The following PTPN6 variants were observed in gnomAD, a reference collection of about 807,000 sequenced individuals.
PTPN6 encodes protein tyrosine phosphatase non-receptor type 6.
Under a neutral mutation model 81.5 loss-of-function variants are expected in PTPN6, and 18 were observed. The ratio of observed to expected loss-of-function variants is 0.22; its 90% CI spans 0.15 to 0.33. The LOEUF is 0.33. Among genes scored for constraint, PTPN6 ranks in the 10% least tolerant of loss-of-function variants. The pLI is 1.00. For missense variants in PTPN6, 500 were observed against 794.2 expected, an observed-to-expected ratio of 0.63 and a Z score of 4.45; for synonymous variants, 301 against 310.9, an observed-to-expected ratio of 0.97 and a Z score of 0.33.
chr12:6,951,938 C>T lies in PTPN6; in HGVS notation c.132-45C>T, dbSNP rs1555147849. On this transcript the variant is annotated intron_variant, in intron 2 of 15. Transcript: ENST00000318974. The surrounding 1 kb of genome is among the most constrained non-coding windows in gnomAD (Gnocchi z 7.2). The stretch of plus-strand genomic sequence containing the variant: ...ACCTCAGCCGATCCCTGCCCTCCTG[C>T]CTCTACTCCTGCACCGACTGGCCTC... 6.2e-7 allele frequency: 1 copy of T among 1,600,112 alleles called. No homozygotes were observed. The highest frequency in any genetic ancestry group is 8.6e-7 in the Non-Finnish European group (1 of 1,169,290).
In PTPN6 at chr12:6,960,078, C is replaced by T. The variant is rs1946102876; in HGVS notation, c.1430-10C>T. ...TGCCTGGACCTGAGGTTTGACTGCC[C>T]CCCACCCAGGCCTGGACTGTGACAT... On this transcript the variant is annotated splice_polypyrimidine_tract_variant and intron_variant, in intron 12 of 15. Coordinates refer to ENST00000318974, the MANE Select transcript of PTPN6 (RefSeq NM_002831.6). This position sits in a 1 kb window ranked among gnomAD's most constrained non-coding sequence, Gnocchi z 6.1. The T allele has an allele frequency of 6.2e-7, 1 of 1,613,564 alleles. No individual in the cohort carries two copies.
rs1314746863 is a variant in PTPN6 at position 6,952,292 on chromosome 12, C to G, written c.326+115C>G. On this transcript the variant is annotated intron_variant, in intron 3 of 15. Transcript: ENST00000318974. This position sits in a 1 kb window ranked among gnomAD's most constrained non-coding sequence, Gnocchi z 8.1. ...CGCTGCCTACCCTCCATCCCCTCCC[C>G]TCCCTGCACCAGCTGGGGCTCTCAA... is the stretch of plus-strand genomic sequence containing the variant. The G allele has an allele frequency of 2.4e-6, 3 of 1,265,718 alleles. No individual in the cohort carries two copies. The highest frequency in any genetic ancestry group is 3.4e-6 in the Non-Finnish European group (3 of 881,584). The allele number at this position is 1,265,718 out of a possible 1,614,324, so 78.4% of individuals were successfully genotyped here.
chr12:6,948,449 AAG>A (rs1193487882), upstream of PTPN6, among the ~76,000 whole-genome samples: 6 of 151,036 alleles, frequency 4.0e-5, no homozygotes, highest in Non-Finnish European at 7.4e-5. Context: ...AAAAAAAAAA[AAG>A]AGAGGGAAGG....
In PTPN6 at chr12:6,960,784, G is replaced by GC. The variant is rs782695175; in HGVS notation, c.1674-16dup. 16 of 1,553,602 alleles carry GC rather than the reference G, an allele frequency of 1.0e-5. No homozygotes were observed. The East Asian group carries it at 3.7e-4, about 35-fold the overall frequency. ...TGACCTGCACCAACTGCCTGTACTT[G>GC]CCCCCCTGCACCCGGCTGCAGACAC... is the stretch of plus-strand genomic sequence containing the variant. On this transcript the variant is annotated intron_variant, in intron 14 of 15. Coordinates refer to ENST00000318974, the MANE Select transcript of PTPN6 (RefSeq NM_002831.6). The surrounding 1 kb of genome is among the most constrained non-coding windows in gnomAD (Gnocchi z 6.1).
Position 6,954,732 on chromosome 12 carries a change from C to T in PTPN6, c.327-73C>T, listed in dbSNP as rs1250667450. On this transcript the variant is annotated intron_variant, in intron 3 of 15. Coordinates refer to ENST00000318974, the MANE Select transcript of PTPN6 (RefSeq NM_002831.6). This position sits in a 1 kb window ranked among gnomAD's most constrained non-coding sequence, Gnocchi z 5.4. The stretch of plus-strand genomic sequence containing the variant: ...AGTAGGTGCTTGATTTCCGGCCCCT[C>T]TCTGTGAATGTCTCTGCTCAGCGCC... The T allele has an allele frequency of 1.3e-5, 19 of 1,484,686 alleles. No individual in the cohort carries two copies. Among genetic ancestry groups the T allele is most frequent in the Non-Finnish European group, 1.7e-5 (18 of 1,085,886 alleles). The allele number at this position is 1,484,686 out of a possible 1,614,324, so 92.0% of individuals were successfully genotyped here.
Position 6,960,934 on chromosome 12 carries a change from C to T in PTPN6, c.*14C>T. On this transcript the variant is annotated 3_prime_UTR_variant, in exon 15 of 16. Coordinates refer to ENST00000318974, the MANE Select transcript of PTPN6 (RefSeq NM_002831.6). The surrounding 1 kb of genome is among the most constrained non-coding windows in gnomAD (Gnocchi z 6.1). ...AAGAGGAAGTGAGCGGTGCTGTCCT[C>T]AGGTGGCCATGGTACAGCTCTTCTG... 1 of 1,558,836 alleles carries T rather than the reference C, an allele frequency of 6.4e-7. No individual in the cohort carries two copies. The highest frequency in any genetic ancestry group is 8.7e-7 in the Non-Finnish European group (1 of 1,151,156).
At position 6,957,782 on chromosome 12, in the gene PTPN6, C is replaced by T; in HGVS notation, c.1203C>T (p.Asp401=). The T allele has an allele frequency of 2.5e-6, 4 of 1,614,168 alleles. 1 individual carries two copies. The South Asian group carries it at 3.3e-5, about 13-fold the overall frequency. ...GTACCTTACAGGTCTCCCCGCTGGA[C>T]AATGTGAGTGGCCCCCACGCCCTGC... The part of the protein sequence containing the change: ...KLRTLQVSPL[D]NGDLIREIWH... Residue 401 remains aspartate, a synonymous_variant, in exon 10 of 16, where the codon GAC becomes GAT. Coordinates refer to ENST00000318974, the MANE Select transcript of PTPN6 (RefSeq NM_002831.6). This position sits in a 1 kb window ranked among gnomAD's most constrained non-coding sequence, Gnocchi z 6.5.
rs934037785 is a variant in PTPN6 at position 6,952,681 on chromosome 12, T to C, written c.326+504T>C. The C allele has an allele frequency of 5.1e-5, 11 of 216,574 alleles. No individual in the cohort carries two copies. The highest frequency in any genetic ancestry group is 6.7e-5 in the Non-Finnish European group (7 of 105,044). The allele number at this position is 216,574 out of a possible 1,614,324, so 13.4% of individuals were successfully genotyped here. A position where few individuals can be genotyped will look rare whatever the true frequency, so the allele number is the denominator to read the frequency against. ...GCCCCGTGGGGATGGGTCTGTCCTG[T>C]GGGGTCAAATAGGTCTCCGGCCCAA... On this transcript the variant is annotated intron_variant, in intron 3 of 15. Transcript: ENST00000318974. The surrounding 1 kb of genome is among the most constrained non-coding windows in gnomAD (Gnocchi z 8.1).
In PTPN6 at chr12:6,956,675, C is replaced by T; in HGVS notation, c.1074+107C>T. 6.8e-7 allele frequency: 1 copy of T among 1,470,484 alleles called. No individual in the cohort carries two copies. Among genetic ancestry groups the T allele is most frequent in the African/African-American group, 1.4e-5 (1 of 72,056 alleles). 91.1% of individuals were successfully genotyped at this position (1,470,484 alleles called of 1,614,324 possible). A position where few individuals can be genotyped will look rare whatever the true frequency, so the allele number is the denominator to read the frequency against. Reference sequence around the variant, plus strand: ...AGAAAGGGATCTCAGGGGTGAGGGTCCGGCCCTTGTTGGGAAACTGAGGGC... The same window carrying T: ...AGAAAGGGATCTCAGGGGTGAGGGTTCGGCCCTTGTTGGGAAACTGAGGGC... On this transcript the variant is annotated intron_variant, in intron 9 of 15. Coordinates refer to ENST00000318974, the MANE Select transcript of PTPN6 (RefSeq NM_002831.6). This position sits in a 1 kb window ranked among gnomAD's most constrained non-coding sequence, Gnocchi z 4.1.
At chr12:6,946,884 C>A, upstream of PTPN6, 1 of 914,806 alleles carries the variant, frequency 1.1e-6, no homozygotes, top group South Asian at 1.4e-5. Context: ...TGAACTTCCC[C>A]TTCCCGCAAG....
In PTPN6 at chr12:6,960,263, G is replaced by GGT; in HGVS notation, c.1581+25_1581+26insTG. The GGT allele has an allele frequency of 8.0e-7, 1 of 1,251,126 alleles. No homozygotes were observed. Among genetic ancestry groups the GGT allele is most frequent in the South Asian group, 1.4e-5 (1 of 69,412 alleles). The allele number at this position is 1,251,126 out of a possible 1,614,324, so 77.5% of individuals were successfully genotyped here. On this transcript the variant is annotated intron_variant, in intron 13 of 15. Coordinates refer to ENST00000318974, the MANE Select transcript of PTPN6 (RefSeq NM_002831.6). The surrounding 1 kb of genome is among the most constrained non-coding windows in gnomAD (Gnocchi z 6.1). ...AGGTGCGTGCAGAGCAGGGCCTGGG[G>GGT]GGGGGGGGGGCTGCAGTGCAGGATG...
chr12:6,947,117 G>A (rs781926588), upstream of PTPN6, among the ~76,000 whole-genome samples: 1 of 152,214 alleles, frequency 6.6e-6, no homozygotes, highest in East Asian at 1.9e-4. Flanking sequence ...CAACTTCTCC[G>A]CACTTCCCAA....
Position 6,961,221 on chromosome 12 carries a change from C to A in PTPN6, c.*121C>A, listed in dbSNP as rs1185662629. 1 of 438,738 alleles carries A rather than the reference C, an allele frequency of 2.3e-6. No homozygotes were observed. Among genetic ancestry groups the A allele is most frequent in the South Asian group, 2.1e-5 (1 of 47,606 alleles). The allele number at this position is 438,738 out of a possible 1,614,324, so 27.2% of individuals were successfully genotyped here. A position where few individuals can be genotyped will look rare whatever the true frequency, so the allele number is the denominator to read the frequency against. On this transcript the variant is annotated 3_prime_UTR_variant, in exon 16 of 16. Coordinates refer to ENST00000318974, the MANE Select transcript of PTPN6 (RefSeq NM_002831.6). ...TCTTTTGTAATTTAAATGGCTGCAT[C>A]CCCCCCACCTCTCCCTGACCCTGTA...
In PTPN6 at chr12:6,959,048, C is replaced by T. The variant is rs782136552; in HGVS notation, c.1362-879C>T. On this transcript the variant is annotated intron_variant, in intron 11 of 15. Transcript: ENST00000318974. The surrounding 1 kb of genome is among the most constrained non-coding windows in gnomAD (Gnocchi z 6.6). ...CCCTCCGTGGACCCCAGGCCTGCGA[C>T]GGCCTCTGGCTTCCTCCTCTTCCCC... Among the ~76,000 whole-genome samples, 3 of 152,346 alleles carry T rather than the reference C, an allele frequency of 2.0e-5. No homozygotes were observed. In the East Asian group the frequency reaches 5.8e-4, roughly 29 times the overall value.
rs1555147901 is a variant in PTPN6, at chr12:6,952,223, C to A, written c.326+46C>A. 3 of 1,607,350 alleles carry A rather than the reference C, an allele frequency of 1.9e-6. No individual in the cohort carries two copies. The highest frequency in any genetic ancestry group is 2.6e-6 in the Non-Finnish European group (3 of 1,175,836). ...CCATTCCCAAGCAGGGATGAGCCGG[C>A]TCCCACCCTGAACAGCCAGGGAGGC... On this transcript the variant is annotated intron_variant, in intron 3 of 15. Transcript: ENST00000318974. This position sits in a 1 kb window ranked among gnomAD's most constrained non-coding sequence, Gnocchi z 8.1.
Position 6,955,365 on chromosome 12 carries a change from A to T in PTPN6, c.634-7A>T. On this transcript the variant is annotated splice_polypyrimidine_tract_variant and splice_region_variant and intron_variant, in intron 5 of 15. Coordinates refer to ENST00000318974, the MANE Select transcript of PTPN6 (RefSeq NM_002831.6). This position sits in a 1 kb window ranked among gnomAD's most constrained non-coding sequence, Gnocchi z 7.2. The stretch of plus-strand genomic sequence containing the variant: ...AGTTGCTGACTTCTCGCTCTTCCCC[A>T]CCCCAGCCGTACTATGCCACGAGGG... 1 of 1,612,680 alleles carries T rather than the reference A, an allele frequency of 6.2e-7. No individual in the cohort carries two copies. Among genetic ancestry groups the T allele is most frequent in the Non-Finnish European group, 8.5e-7 (1 of 1,179,552 alleles).
In PTPN6 at chr12:6,955,869, C is replaced by T. The variant is rs1171892323; in HGVS notation, c.844+113C>T. On this transcript the variant is annotated intron_variant, in intron 7 of 15. Coordinates refer to ENST00000318974, the MANE Select transcript of PTPN6 (RefSeq NM_002831.6). The surrounding 1 kb of genome is among the most constrained non-coding windows in gnomAD (Gnocchi z 7.2). Reference sequence around the variant, plus strand: ...CAGGAGGGGCCATCTCCCCACACCCCCCACAGAGCCTCCCCCTTCTCCAAA... The same window carrying T: ...CAGGAGGGGCCATCTCCCCACACCCTCCACAGAGCCTCCCCCTTCTCCAAA... 9.9e-6 allele frequency: 10 copies of T among 1,013,572 alleles called. No individual in the cohort carries two copies. The Admixed American group carries it at 2.0e-4, about 20-fold the overall frequency. 62.8% of individuals were successfully genotyped at this position (1,013,572 alleles called of 1,614,324 possible).
intron 11 of PTPN6, 91 bp downstream of exon 11, chr12:6,958,164 C>A: frequency 6.5e-7 from 1 of 1,530,418 alleles, no homozygotes; most frequent in Non-Finnish European, 8.9e-7. Flanking sequence ...TAAACGTTAG[C>A]TCGCACATTG....
At chr12:6,947,500 T>A (rs150896886), upstream of PTPN6, among the ~76,000 whole-genome samples, 84 of 151,842 alleles carry the variant, frequency 5.5e-4, no homozygotes, top group Middle Eastern at 3.4e-3. Flanking sequence ...TGAGACCCTG[T>A]CTCTACAAAA....
Sources: gnomAD v4.1 joint callset for allele counts (sites outside exome capture counted in the v4.1 genomes callset) on GRCh38, gnomAD v4.1.1 for gene constraint, Gnocchi (gnomAD v3.1) non-coding constraint, MANE v1.5 for transcripts, NCBI Gene and HGNC (gene_info 2026-07-23, HGNC 2026-07-21) for gene names.